SDK1: variants seen among roughly 807,000 people sequenced by gnomAD.
SDK1 encodes protein sidekick-1.
A neutral mutation model predicts 245.5 loss-of-function variants in SDK1; 157 were observed. That is an observed-to-expected ratio of 0.64 (90% CI 0.56 to 0.73). SDK1 has a LOEUF of 0.73. SDK1 is among the 30% of genes least tolerant of loss of function. The probability of loss-of-function intolerance (pLI) is 0.00; values close to 1 mark genes in which losing one functional copy is unlikely to be tolerated. For missense variants in SDK1, 3,583 were observed against 3,002.3 expected, an observed-to-expected ratio of 1.19 and a Z score of -4.52; for synonymous variants, 1,647 against 1,278.5, an observed-to-expected ratio of 1.29 and a Z score of -6.15.
chr7:3,441,059 C>T (rs1351066799), intron 1 of SDK1, among the ~76,000 whole-genome samples: 1 of 152,210 alleles, frequency 6.6e-6, no homozygotes, highest in African/African-American at 2.4e-5. Flanking sequence ...CACCCTACTT[C>T]ATCTCATTAC....
At chr7:3,454,598 C>T (rs1388484346) in intron 1 of SDK1, among the ~76,000 whole-genome samples, 3 of 152,262 alleles carry the variant, frequency 2.0e-5, no homozygotes, top group Non-Finnish European at 2.9e-5. Flanking sequence ...TTCTATAATA[C>T]GGTATGTAAC....
At chr7:3,360,528 C>G (rs970105078) in intron 1 of SDK1, among the ~76,000 whole-genome samples, 1 of 152,122 alleles carries the variant, frequency 6.6e-6, no homozygotes, top group African/African-American at 2.4e-5. Flanking sequence ...TATTGGGCCT[C>G]AGGTTTATTG....
At chr7:3,920,913 G>A (rs1028069260) in intron 5 of SDK1, among the ~76,000 whole-genome samples, 10 of 152,190 alleles carry the variant, frequency 6.6e-5, no homozygotes, top group African/African-American at 2.2e-4. Context: ...TCTGTGCCAG[G>A]AGCGGGCACT....
At chr7:3,329,639 A>G (rs1214930638) in intron 1 of SDK1, among the ~76,000 whole-genome samples, 1 of 152,100 alleles carries the variant, frequency 6.6e-6, no homozygotes, top group East Asian at 1.9e-4. Context: ...GTCATTTTTG[A>G]CTGGCTGCTT....
chr7:3,812,586 G>A (rs74566484), intron 4 of SDK1, among the ~76,000 whole-genome samples: 164 of 152,280 alleles, frequency 1.1e-3, no homozygotes, highest in African/African-American at 3.8e-3. Context: ...AAGGATGCCC[G>A]CGTAGACTAA....
At chr7:3,868,201 G>T (rs933339585) in intron 5 of SDK1, among the ~76,000 whole-genome samples, 1 of 152,154 alleles carries the variant, frequency 6.6e-6, no homozygotes, top group Non-Finnish European at 1.5e-5. Flanking sequence ...TCACCCACTA[G>T]AAGTGTTATT....
chr7:4,132,477 C>T (rs13224986), intron 28 of SDK1, 54 bp downstream of exon 28: 488,706 of 1,287,490 alleles, frequency 0.38, 97,181 homozygotes, highest in Non-Finnish European at 0.41. Flanking sequence ...ATCCCAGCAC[C>T]TTGGGAGACC....
chr7:4,182,171 G>A (rs535822972), intron 35 of SDK1, among the ~76,000 whole-genome samples: 2 of 152,244 alleles, frequency 1.3e-5, no homozygotes, highest in African/African-American at 4.8e-5. Context: ...TGCTCACCTT[G>A]GCCTCCCAAA....
Position 4,223,927 on chromosome 7 carries a change from C to T in SDK1, c.5827+2563C>T, listed in dbSNP as rs557170164. On this transcript the variant is annotated intron_variant, in intron 40 of 44. Transcript: ENST00000404826. ...TTGAAATCACAGTCATTTGTAGACT[C>T]TCTGCTGGACCTTGTTGGCTAATGA... Among the ~76,000 whole-genome samples the T allele has an allele frequency of 2.8e-4, 42 of 152,342 alleles. No homozygotes were observed. The South Asian group carries it at 8.3e-3, about 30-fold the overall frequency.
intron 5 of SDK1, among the ~76,000 whole-genome samples, chr7:3,943,244 TG>T (rs924548855): frequency 2.7e-5 from 4 of 149,410 alleles, no homozygotes; most frequent in African/African-American, 7.4e-5. Flanking sequence ...GTAACAAAAG[TG>T]GGGGAGCAAC....
Position 4,268,597 on chromosome 7 carries a change from A to G in SDK1, c.*3213A>G, listed in dbSNP as rs778897732. On this transcript the variant is annotated 3_prime_UTR_variant, in exon 45 of 45. Coordinates refer to ENST00000404826, the MANE Select transcript of SDK1 (RefSeq NM_152744.4). ...GTCTTCGGAGGCCGTGTTTGTATCT[A>G]ACTGTGACTGGGCTGAAGCATGATG... 1.0e-5 allele frequency: 14 copies of G among 1,363,808 alleles called. No individual in the cohort carries two copies. The highest frequency in any genetic ancestry group is 4.2e-4 in the Middle Eastern group (2 of 4,766). 84.5% of individuals were successfully genotyped at this position (1,363,808 alleles called of 1,614,324 possible).
intron 1 of SDK1, among the ~76,000 whole-genome samples, chr7:3,384,754 A>T (rs924998771): frequency 6.6e-6 from 1 of 152,228 alleles, no homozygotes; most frequent in Non-Finnish European, 1.5e-5. Context: ...TATGTATATA[A>T]ATATACCAGT....
intron 5 of SDK1, among the ~76,000 whole-genome samples, chr7:3,862,156 G>A (rs1780709599): frequency 6.6e-6 from 1 of 152,206 alleles, no homozygotes; most frequent in Non-Finnish European, 1.5e-5. Context: ...TTAGGAAATT[G>A]CTTTCCTTTA....
At chr7:3,700,746 G>A (rs564971525) in intron 4 of SDK1, among the ~76,000 whole-genome samples, 3 of 152,300 alleles carry the variant, frequency 2.0e-5, no homozygotes, top group African/African-American at 7.2e-5. Flanking sequence ...CAATGAAAAT[G>A]TAGAGACAAT....
chr7:3,658,930 C>G (rs1340117138), intron 4 of SDK1, among the ~76,000 whole-genome samples: 2 of 152,100 alleles, frequency 1.3e-5, no homozygotes, highest in Admixed American at 1.3e-4. Context: ...TCACCACTAT[C>G]TAACAGAATA....
chr7:4,023,567 A>G (rs1249861005), intron 17 of SDK1, among the ~76,000 whole-genome samples: 1 of 152,202 alleles, frequency 6.6e-6, no homozygotes, highest in Non-Finnish European at 1.5e-5. Flanking sequence ...TCAGAAATCA[A>G]TACGCTTTTG....
chr7:3,415,747 A>T (rs892545940), intron 1 of SDK1, among the ~76,000 whole-genome samples: 3 of 150,976 alleles, frequency 2.0e-5, no homozygotes, highest in Non-Finnish European at 4.4e-5. Flanking sequence ...TCATATACAA[A>T]TCATTTCTGT....
chr7:4,232,808 C>A (rs952605867), intron 40 of SDK1: 1 of 153,650 alleles, frequency 6.5e-6, no homozygotes, highest in Non-Finnish European at 1.5e-5. Context: ...ATTTCTTTTG[C>A]TCTGTGGCTG....
Position 3,951,921 on chromosome 7 carries a change from G to C in SDK1, c.1150+1G>C. ...GCGACGGCCTTTCTTTTCATCATAGGTAATGCGGGAGCCTCTAAGTGGTGT... is the reference window on the plus strand; with the variant it reads ...GCGACGGCCTTTCTTTTCATCATAGCTAATGCGGGAGCCTCTAAGTGGTGT... On this transcript the variant is annotated splice_donor_variant, in intron 7 of 44. Coordinates refer to ENST00000404826, the MANE Select transcript of SDK1 (RefSeq NM_152744.4). LOFTEE classifies it high-confidence loss of function. 1.9e-6 allele frequency: 3 copies of C among 1,611,362 alleles called. No individual in the cohort carries two copies. The highest frequency in any genetic ancestry group is 2.5e-6 in the Non-Finnish European group (3 of 1,179,672).
Sources: gnomAD v4.1 joint callset for allele counts (sites outside exome capture counted in the v4.1 genomes callset) on GRCh38, gnomAD v4.1.1 for gene constraint, MANE v1.5 for transcripts, NCBI Gene and HGNC (gene_info 2026-07-23, HGNC 2026-07-21) for gene names.